SHB: variants seen among roughly 807,000 people sequenced by gnomAD.
SHB encodes SH2 domain-containing adapter protein B.
In SHB, 20 loss-of-function variants were observed where a neutral mutation model predicts 52.3. The ratio of observed to expected loss-of-function variants is 0.38; its 90% CI spans 0.27 to 0.56. The LOEUF is 0.56. SHB is among the 20% of genes least tolerant of loss of function. The probability of loss-of-function intolerance (pLI) is 0.71; values close to 1 mark genes in which losing one functional copy is unlikely to be tolerated. For synonymous variants in SHB, 397 were observed against 316.5 expected, an observed-to-expected ratio of 1.25 and a Z score of -2.70; for missense variants, 825 against 723.3, an observed-to-expected ratio of 1.14 and a Z score of -1.61.
At chr9:37,962,869 A>G (rs1334994696) in intron 3 of SHB, among the ~76,000 whole-genome samples, 1 of 152,160 alleles carries the variant, frequency 6.6e-6, no homozygotes, top group African/African-American at 2.4e-5. Context: ...GGGGGACTTA[A>G]AGTCCACGTT....
chr9:38,037,214 G>T (rs755615167), intron 1 of SHB, among the ~76,000 whole-genome samples: 2 of 152,226 alleles, frequency 1.3e-5, no homozygotes, highest in Non-Finnish European at 2.9e-5. Context: ...TGGAGAAAGA[G>T]ATGGCACACA....
intron 1 of SHB, among the ~76,000 whole-genome samples, chr9:38,049,539 A>C (rs1821708378): frequency 6.6e-6 from 1 of 151,210 alleles, no homozygotes; most frequent in African/African-American, 2.4e-5. Flanking sequence ...TGAACCCAGG[A>C]GGCAGAGGTT....
intron 5 of SHB, among the ~76,000 whole-genome samples, chr9:37,934,727 T>C (rs1587198338): frequency 6.6e-6 from 1 of 152,244 alleles, no homozygotes; most frequent in African/African-American, 2.4e-5. Context: ...AATCCTCTCA[T>C]GTTGGACACT....
intron 1 of SHB, among the ~76,000 whole-genome samples, chr9:38,033,843 C>T (rs1460689142): frequency 6.8e-6 from 1 of 147,070 alleles, no homozygotes; most frequent in Non-Finnish European, 1.5e-5. Flanking sequence ...GAAAAAACTG[C>T]TGTAAAATCC....
intron 2 of SHB, among the ~76,000 whole-genome samples, chr9:37,983,451 G>A (rs1200388684): frequency 6.6e-6 from 1 of 152,222 alleles, no homozygotes; most frequent in African/African-American, 2.4e-5. Flanking sequence ...AGCACCCCCA[G>A]GAGTGGTAAA....
At chr9:37,974,196 C>T (rs764721623) in intron 3 of SHB, among the ~76,000 whole-genome samples, 7 of 152,086 alleles carry the variant, frequency 4.6e-5, no homozygotes, top group Non-Finnish European at 7.3e-5. Context: ...ATGGAGGTTG[C>T]GGTGAGCCGA....
intron 2 of SHB, 80 bp downstream of exon 2, chr9:38,015,931 G>C (rs1267920662): frequency 3.7e-5 from 54 of 1,470,224 alleles, no homozygotes; most frequent in Non-Finnish European, 4.7e-5. Context: ...AGGCTGGTTG[G>C]GGACCACCCG....
At chr9:37,949,316 C>T (rs1166499323) in intron 4 of SHB, among the ~76,000 whole-genome samples, 2 of 148,528 alleles carry the variant, frequency 1.3e-5, no homozygotes, top group Non-Finnish European at 3.0e-5. Flanking sequence ...TCACTTGAAC[C>T]TGGGAGGCGG....
intron 1 of SHB, among the ~76,000 whole-genome samples, chr9:38,028,772 A>G (rs1821376888): frequency 6.6e-6 from 1 of 152,244 alleles, no homozygotes; most frequent in African/African-American, 2.4e-5. Flanking sequence ...GTACTTATAA[A>G]AGGATTCCAT....
chr9:37,981,273 C>CTTGCTGCAG (rs1820721342), intron 2 of SHB, among the ~76,000 whole-genome samples: 2 of 152,366 alleles, frequency 1.3e-5, no homozygotes, highest in Admixed American at 1.3e-4. Context: ...TTCTGGATAA[C>CTTGCTGCAG]TTGCTGCAGT....
At chr9:38,028,794 A>G (rs1414392772) in intron 1 of SHB, among the ~76,000 whole-genome samples, 2 of 152,276 alleles carry the variant, frequency 1.3e-5, no homozygotes, top group African/African-American at 4.8e-5. Flanking sequence ...TTTCTAAAAT[A>G]TAACATCAAA....
At chr9:37,954,170 G>A (rs1013273917) in intron 4 of SHB, among the ~76,000 whole-genome samples, 1 of 152,224 alleles carries the variant, frequency 6.6e-6, no homozygotes, top group Admixed American at 6.5e-5. Flanking sequence ...ATGGCTGTGA[G>A]AAATGATTCA....
rs936227877 is a variant in SHB at position 38,068,433 on chromosome 9, G to A, written c.213C>T (p.Pro71=). 3.2e-6 allele frequency: 5 copies of A among 1,555,290 alleles called. No homozygotes were observed. The highest frequency in any genetic ancestry group is 1.2e-5 in the South Asian group (1 of 84,406). The change falls in exon 1 of 6, where the codon CCC becomes CCT. Residue 71 remains proline, a synonymous_variant. Transcript: ENST00000377707. ...SCFSASSGSL[P]DDSGSTSDLI... ...GGTCGCTGGTGCTGCCGCTGTCGTC[G>A]GGCAGCGAGCCCGAAGAGGCTGAGA...
chr9:37,930,544 C>T (rs988700261), intron 5 of SHB, among the ~76,000 whole-genome samples: 1 of 152,196 alleles, frequency 6.6e-6, no homozygotes, highest in Non-Finnish European at 1.5e-5. Context: ...TCACCCTCAC[C>T]AGTCTCTTCC....
intron 5 of SHB, among the ~76,000 whole-genome samples, chr9:37,940,723 T>C (rs968918915): frequency 5.3e-5 from 8 of 152,196 alleles, no homozygotes; most frequent in African/African-American, 1.4e-4. Context: ...TTGTTCAAGA[T>C]ATTGGACCAG....
chr9:37,975,706 T>C (rs561725886), intron 2 of SHB, among the ~76,000 whole-genome samples: 15 of 152,292 alleles, frequency 9.8e-5, no homozygotes, highest in Admixed American at 9.1e-4. Flanking sequence ...ATGGATACTA[T>C]GTGCATGGCC....
chr9:38,034,697 T>C (rs1361450482), intron 1 of SHB, among the ~76,000 whole-genome samples: 3 of 152,192 alleles, frequency 2.0e-5, no homozygotes, highest in Non-Finnish European at 4.4e-5. Context: ...TTTGGTTTGT[T>C]CATTTGTTTG....
At chr9:37,973,880 G>C (rs998172029) in intron 3 of SHB, among the ~76,000 whole-genome samples, 1 of 152,164 alleles carries the variant, frequency 6.6e-6, no homozygotes, top group Non-Finnish European at 1.5e-5. Flanking sequence ...GCACTGGGTG[G>C]GATCAATGGG....
At chr9:37,959,356 A>G (rs1832669771) in intron 3 of SHB, among the ~76,000 whole-genome samples, 1 of 152,152 alleles carries the variant, frequency 6.6e-6, no homozygotes, top group Non-Finnish European at 1.5e-5. Flanking sequence ...TCAGGAATAG[A>G]GAGGATACAA....
Sources: allele counts gnomAD v4.1 joint callset (sites outside exome capture counted in the v4.1 genomes callset), GRCh38; gene constraint gnomAD v4.1.1; transcripts MANE v1.5; gene names NCBI Gene and HGNC (gene_info 2026-07-23, HGNC 2026-07-21).